Variants in SORCS3 observed in about 807,000 individuals in gnomAD.
The protein encoded by SORCS3 is sortilin related VPS10 domain containing receptor 3.
SORCS3 carries 57 observed loss-of-function variants against 146.3 expected under a neutral mutation model. That is an observed-to-expected ratio of 0.39 (90% CI 0.31 to 0.49). The LOEUF is 0.49. Ranked by LOEUF, SORCS3 falls within the 20% of genes least tolerant of loss-of-function variation. SORCS3 has a pLI of 0.92. For synonymous variants in SORCS3, 653 were observed against 618.5 expected (o/e 1.06, Z -0.83); for missense variants, 1,341 against 1,575.5 (o/e 0.85, Z 2.52).
Position 105,107,001 on chromosome 10 carries a change from A to AG in SORCS3, c.1212+1488dup, listed in dbSNP as rs200056158. Among the ~76,000 whole-genome samples the AG allele has an allele frequency of 8.5e-3, 1,296 of 152,200 alleles. 49 individuals carry two copies. Among genetic ancestry groups the AG allele is most frequent in the Admixed American group, 0.072 (1,095 of 15,272 alleles). On this transcript the variant is annotated intron_variant, in intron 7 of 26. Transcript: ENST00000369701. ...CCCCTGGTTTTAAGGACTATTTCCA[A>AG]GGTTTGATGACTTTCAAGTCAGTGA...
chr10:105,108,681 C>A (rs1353946621), intron 7 of SORCS3, among the ~76,000 whole-genome samples: 1 of 152,062 alleles, frequency 6.6e-6, no homozygotes, highest in African/African-American at 2.4e-5. Context: ...ATTAACAATG[C>A]CCCAAATAAT....
intron 7 of SORCS3, among the ~76,000 whole-genome samples, chr10:105,112,763 C>A (rs972939369): frequency 6.6e-6 from 1 of 152,032 alleles, no homozygotes; most frequent in African/African-American, 2.4e-5. Context: ...AAAGGGGATC[C>A]GTGTAGAGGC....
At chr10:104,755,720 G>T (rs1226573378) in intron 1 of SORCS3, among the ~76,000 whole-genome samples, 1 of 152,178 alleles carries the variant, frequency 6.6e-6, no homozygotes, top group Non-Finnish European at 1.5e-5. Flanking sequence ...GGCCAGCCAA[G>T]TTTTGATCAC....
chr10:105,012,108 C>A (rs140901016), intron 4 of SORCS3, among the ~76,000 whole-genome samples: 1 of 152,134 alleles, frequency 6.6e-6, no homozygotes. Flanking sequence ...GTCTCCAGCA[C>A]AGCATTGACA....
intron 1 of SORCS3, among the ~76,000 whole-genome samples, chr10:104,757,863 C>G (rs895411380): frequency 1.8e-5 from 1 of 55,340 alleles, no homozygotes; most frequent in Non-Finnish European, 3.4e-5. Flanking sequence ...CACCACCCCC[C>G]CCCCCACACC....
chr10:105,103,338 T>C (rs1271415012), intron 6 of SORCS3, among the ~76,000 whole-genome samples: 6 of 152,204 alleles, frequency 3.9e-5, no homozygotes, highest in Non-Finnish European at 8.8e-5. Flanking sequence ...AGGATAGTTA[T>C]AAAGGCCTGC....
chr10:105,124,585 A>G (rs962348282), intron 7 of SORCS3, among the ~76,000 whole-genome samples: 1 of 152,206 alleles, frequency 6.6e-6, no homozygotes, highest in Non-Finnish European at 1.5e-5. Context: ...AACATCTGTT[A>G]CAAAAAAATA....
At position 105,167,723 on chromosome 10, in the gene SORCS3, G is replaced by T. The variant is rs949475600; in HGVS notation, c.1901+374G>T. Reference sequence around the variant, plus strand: ...GTTCAGTTCTAGAGAAGTTGAGTTAGTGGTTTCTATGAATATTTCAGCAGA... The same window carrying T: ...GTTCAGTTCTAGAGAAGTTGAGTTATTGGTTTCTATGAATATTTCAGCAGA... On this transcript the variant is annotated intron_variant, in intron 13 of 26. Transcript: ENST00000369701. 2.6e-5 allele frequency among the ~76,000 whole-genome samples: 4 copies of T among 152,138 alleles called. No homozygotes were observed. In the East Asian group the frequency reaches 7.7e-4, roughly 29 times the overall value.
chr10:105,222,351 C>A (rs1243661020), intron 19 of SORCS3, among the ~76,000 whole-genome samples: 2 of 152,156 alleles, frequency 1.3e-5, no homozygotes, highest in African/African-American at 4.8e-5. Context: ...AGCCACCGCG[C>A]CCGGCCGCAT....
At chr10:105,086,848 C>T (rs1257605853) in intron 5 of SORCS3, among the ~76,000 whole-genome samples, 8 of 152,152 alleles carry the variant, frequency 5.3e-5, no homozygotes, top group Non-Finnish European at 1.2e-4. Flanking sequence ...ATTTTTCTCC[C>T]GTTCTGTAGG....
intron 4 of SORCS3, among the ~76,000 whole-genome samples, chr10:105,022,317 G>T (rs1167911819): frequency 7.5e-6 from 1 of 133,824 alleles, no homozygotes; most frequent in Non-Finnish European, 1.6e-5. Flanking sequence ...TTTTTTTCGA[G>T]ACGGAGTTTC....
At chr10:104,645,191 C>G (rs1271698083) in intron 1 of SORCS3, among the ~76,000 whole-genome samples, 1 of 152,182 alleles carries the variant, frequency 6.6e-6, no homozygotes, top group Non-Finnish European at 1.5e-5. Flanking sequence ...ACCCTTTACT[C>G]TGGAGGAGCG....
chr10:104,909,918 G>T (rs184752650), intron 2 of SORCS3, among the ~76,000 whole-genome samples: 1 of 151,896 alleles, frequency 6.6e-6, no homozygotes, highest in East Asian at 1.9e-4. Context: ...CTCCACTCCT[G>T]ACTGAAATTG....
intron 3 of SORCS3, among the ~76,000 whole-genome samples, chr10:104,925,802 G>C (rs1000404973): frequency 6.6e-6 from 1 of 152,234 alleles, no homozygotes; most frequent in African/African-American, 2.4e-5. Flanking sequence ...AGGAGATGCT[G>C]TATCAGTTAC....
intron 3 of SORCS3, among the ~76,000 whole-genome samples, chr10:104,950,052 G>A (rs1239334776): frequency 2.0e-5 from 3 of 152,188 alleles, no homozygotes; most frequent in Non-Finnish European, 4.4e-5. Context: ...GAGATGCAGA[G>A]GTAGAAGTCA....
chr10:105,027,990 T>A (rs1363078665), intron 4 of SORCS3, among the ~76,000 whole-genome samples: 2 of 152,228 alleles, frequency 1.3e-5, no homozygotes. Context: ...ATAAAAATAT[T>A]GTGACCAGAG....
At chr10:104,805,241 G>A (rs2017668013) in intron 1 of SORCS3, among the ~76,000 whole-genome samples, 1 of 152,178 alleles carries the variant, frequency 6.6e-6, no homozygotes, top group Admixed American at 6.5e-5. Flanking sequence ...AAATTGTCTT[G>A]AGAACACAGA....
At position 104,842,744 on chromosome 10, in the gene SORCS3, TCCC is replaced by T; in HGVS notation, c.628-47_628-45del. ...ACAAACTAAAGTAAGCTTCCTTTTT[TCCC>T]TCCCTTTGTTCCTCTCCTTTGCCCT... On this transcript the variant is annotated intron_variant, in intron 1 of 26. Coordinates refer to ENST00000369701, the MANE Select transcript of SORCS3 (RefSeq NM_014978.3). 8 of 1,463,436 alleles carry T rather than the reference TCCC, an allele frequency of 5.5e-6. No individual in the cohort carries two copies. In the Admixed American group the frequency reaches 8.5e-5, roughly 16 times the overall value. 90.7% of individuals were successfully genotyped at this position (1,463,436 alleles called of 1,614,324 possible). A position where few individuals can be genotyped will look rare whatever the true frequency, so the allele number is the denominator to read the frequency against.
rs143154205 is a variant in SORCS3 at position 105,076,811 on chromosome 10, G to A, written c.1029-12964G>A. On this transcript the variant is annotated intron_variant, in intron 5 of 26. Coordinates refer to ENST00000369701, the MANE Select transcript of SORCS3 (RefSeq NM_014978.3). ...TAGGTATTCAGTAGGTATTTGCCAAGCGACTGTTTGTCCTATTCCTAGTAG... is the reference window on the plus strand; with the variant it reads ...TAGGTATTCAGTAGGTATTTGCCAAACGACTGTTTGTCCTATTCCTAGTAG... Among the ~76,000 whole-genome samples, 1,237 of 152,286 alleles carry A rather than the reference G, an allele frequency of 8.1e-3. 9 individuals are homozygous for A. The highest frequency in any genetic ancestry group is 0.017 in the Middle Eastern group (5 of 294).
Sources: allele counts gnomAD v4.1 joint callset (sites outside exome capture counted in the v4.1 genomes callset), GRCh38; gene constraint gnomAD v4.1.1; transcripts MANE v1.5; gene names NCBI Gene and HGNC (gene_info 2026-07-23, HGNC 2026-07-21).